HDHD2: variants seen among roughly 807,000 people sequenced by gnomAD.
The protein encoded by HDHD2 is haloacid dehalogenase like hydrolase domain containing 2, also known as haloacid dehalogenase-like hydrolase domain-containing protein 2.
HDHD2 carries 26 observed loss-of-function variants against 24.8 expected under a neutral mutation model. The observed-to-expected ratio is 1.05, with a 90% confidence interval of 0.77 to 1.45. HDHD2 has a LOEUF of 1.45. Ranked by LOEUF, HDHD2 falls within the 40% of genes most tolerant of loss-of-function variation. The pLI, the probability that HDHD2 is intolerant of heterozygous loss-of-function variation, is 0.00. For missense variants in HDHD2, 299 were observed against 313.4 expected (o/e 0.95, Z 0.35); for synonymous variants, 128 against 114.9 (o/e 1.11, Z -0.73).
intron 1 of HDHD2, among the ~76,000 whole-genome samples, chr18:47,146,628 T>C (rs72907254): frequency 6.6e-6 from 1 of 152,150 alleles, no homozygotes; most frequent in Non-Finnish European, 1.5e-5. Context: ...AAATAAGTTG[T>C]GGTATATTTA....
intron 1 of HDHD2, among the ~76,000 whole-genome samples, chr18:47,138,635 T>C (rs988961460): frequency 2.6e-5 from 4 of 152,236 alleles, no homozygotes; most frequent in African/African-American, 4.8e-5. Flanking sequence ...GAAGGATGTT[T>C]TCATACCTAA....
At chr18:47,120,060 C>T (rs2063591305) in intron 4 of HDHD2, among the ~76,000 whole-genome samples, 1 of 152,178 alleles carries the variant, frequency 6.6e-6, no homozygotes, top group Admixed American at 6.5e-5. Context: ...GCCATTCAGG[C>T]TTTGTTATTC....
At chr18:47,145,243 TC>T (rs2063857888) in intron 1 of HDHD2, among the ~76,000 whole-genome samples, 1 of 152,228 alleles carries the variant, frequency 6.6e-6, no homozygotes, top group East Asian at 1.9e-4. Context: ...CCAAAAAGTG[TC>T]TTGTGAATTT....
chr18:47,109,469 A>G (rs1361485195), intron 6 of HDHD2: 4 of 152,360 alleles, frequency 2.6e-5, no homozygotes, highest in African/African-American at 9.6e-5. Context: ...TACAAGTCAG[A>G]AGGTGCACAG....
chr18:47,134,505 C>T lies in HDHD2; in HGVS notation c.301G>A (p.Asp101Asn), dbSNP rs2063744173. The change falls in exon 3 of 7, where the codon GAT becomes AAT. Residue 101 changes from aspartate to asparagine, a missense_variant. Coordinates refer to ENST00000300605, the MANE Select transcript of HDHD2 (RefSeq NM_032124.5). Reference sequence around the variant, plus strand: ...TCCAAATTTCCCCTACCTTTGAAATCAGGTAGTGCCCGATCATCAACTAGC... The same window carrying T: ...TCCAAATTTCCCCTACCTTTGAAATTAGGTAGTGCCCGATCATCAACTAGC... Reference protein sequence around the residue: ...MLLVDDRALPDFKGIQTSDPN... With the variant: ...MLLVDDRALPNFKGIQTSDPN... 1 of 1,612,442 alleles carries T rather than the reference C, an allele frequency of 6.2e-7. No individual in the cohort carries two copies. The highest frequency in any genetic ancestry group is 1.3e-5 in the African/African-American group (1 of 74,860).
At chr18:47,125,266 G>A (rs1047834350) in intron 4 of HDHD2, among the ~76,000 whole-genome samples, 2 of 152,118 alleles carry the variant, frequency 1.3e-5, no homozygotes, top group African/African-American at 4.8e-5. Flanking sequence ...TAGAGCATTG[G>A]AACTCTCATT....
intron 4 of HDHD2, among the ~76,000 whole-genome samples, chr18:47,118,903 CA>C (rs34581039): frequency 0.13 from 20,328 of 152,134 alleles, 1,766 homozygotes; most frequent in Non-Finnish European, 0.2. Context: ...CTTCCAAATA[CA>C]GGGATATCTA....
chr18:47,132,744 AAAG>A (rs1410032361), intron 3 of HDHD2, among the ~76,000 whole-genome samples: 1 of 152,256 alleles, frequency 6.6e-6, no homozygotes, highest in African/African-American at 2.4e-5. Context: ...TCCTCTCTGA[AAAG>A]AAGCAATGTG....
intron 4 of HDHD2, 117 bp from the exon 5 acceptor site, chr18:47,115,465 T>G: frequency 1.6e-6 from 1 of 640,994 alleles, no homozygotes; most frequent in Non-Finnish European, 2.7e-6. Flanking sequence ...AAATAGTTTC[T>G]TATTAACTTT....
chr18:47,138,882 C>A (rs912982816), intron 1 of HDHD2, among the ~76,000 whole-genome samples: 2 of 152,296 alleles, frequency 1.3e-5, no homozygotes, highest in East Asian at 1.9e-4. Context: ...TCTAAACAGG[C>A]CTTACTGGGT....
intron 4 of HDHD2, 68 bp from the exon 5 acceptor site, chr18:47,115,416 T>C (rs928641904): frequency 8.8e-7 from 1 of 1,136,436 alleles, no homozygotes; most frequent in South Asian, 1.4e-5. Context: ...GGAACGAATG[T>C]CAGACTTACA....
intron 5 of HDHD2, among the ~76,000 whole-genome samples, chr18:47,114,705 C>T (rs1006452318): frequency 1.3e-5 from 2 of 152,116 alleles, no homozygotes; most frequent in African/African-American, 4.8e-5. Context: ...TTCTTCCATA[C>T]AGCATATGCT....
At chr18:47,113,639 A>T (rs1428286789) in intron 5 of HDHD2, among the ~76,000 whole-genome samples, 2 of 152,234 alleles carry the variant, frequency 1.3e-5, no homozygotes, top group African/African-American at 4.8e-5. Context: ...ATCATCAATG[A>T]TGATGAATGC....
chr18:47,132,454 T>G (rs781467953), intron 3 of HDHD2, among the ~76,000 whole-genome samples: 1 of 152,230 alleles, frequency 6.6e-6, no homozygotes, highest in African/African-American at 2.4e-5. Flanking sequence ...TAGAGATAGA[T>G]TCCTACAAGT....
At position 47,145,347 on chromosome 18, in the gene HDHD2, C is replaced by T. The variant is rs142771073; in HGVS notation, c.-11+5031G>A. 1.0e-3 allele frequency among the ~76,000 whole-genome samples: 154 copies of T among 152,272 alleles called. 1 individual carries two copies. The highest frequency in any genetic ancestry group is 3.6e-3 in the African/African-American group (149 of 41,552). ...GACCAAAGAAGAACAAGAAAGTAGG[C>T]GTTGCTTTACCTAATATCCAGACTT... is the stretch of plus-strand genomic sequence containing the variant. On this transcript the variant is annotated intron_variant, in intron 1 of 6. Transcript: ENST00000300605.
At chr18:47,133,697 T>C (rs568003340) in intron 3 of HDHD2, among the ~76,000 whole-genome samples, 2 of 152,232 alleles carry the variant, frequency 1.3e-5, no homozygotes, top group Admixed American at 1.3e-4. Context: ...TGATATCTCA[T>C]TGTGGTTTTG....
intron 3 of HDHD2, among the ~76,000 whole-genome samples, chr18:47,131,920 C>T (rs2063717210): frequency 6.6e-6 from 1 of 152,168 alleles, no homozygotes; most frequent in Admixed American, 6.5e-5. Context: ...CCACCAACCT[C>T]ATACAGACCT....
At chr18:47,117,248 A>G (rs1345046390) in intron 4 of HDHD2, among the ~76,000 whole-genome samples, 1 of 152,230 alleles carries the variant, frequency 6.6e-6, no homozygotes, top group Admixed American at 6.5e-5. Context: ...GGGCAACAAA[A>G]GGTTGGCTGT....
At chr18:47,142,624 G>A (rs937969800) in intron 1 of HDHD2, among the ~76,000 whole-genome samples, 2 of 152,060 alleles carry the variant, frequency 1.3e-5, no homozygotes, top group Non-Finnish European at 2.9e-5. Context: ...TGGGCTTTGA[G>A]GAGAAAGAAA....
Sources: gnomAD v4.1 joint callset for allele counts (sites outside exome capture counted in the v4.1 genomes callset) on GRCh38, gnomAD v4.1.1 for gene constraint, MANE v1.5 for transcripts, NCBI Gene and HGNC (gene_info 2026-07-23, HGNC 2026-07-21) for gene names.